PTPN11: variants seen among roughly 807,000 people sequenced by gnomAD.
PTPN11 encodes protein tyrosine phosphatase non-receptor type 11, also known as tyrosine-protein phosphatase non-receptor type 11.
In PTPN11, 6 loss-of-function variants were observed where a neutral mutation model predicts 78.8. The observed-to-expected ratio is 0.08, with a 90% CI of 0.04 to 0.15. The LOEUF (loss-of-function observed/expected upper bound fraction) is 0.15, where lower values mean the gene tolerates loss of function less well. Ranked by LOEUF, PTPN11 falls within the 10% of genes least tolerant of loss-of-function variation. PTPN11 has a pLI of 1.00. For missense variants in PTPN11, 386 were observed against 744.8 expected, an observed-to-expected ratio of 0.52 and a Z score of 5.61; for synonymous variants, 221 against 263.5, an observed-to-expected ratio of 0.84 and a Z score of 1.56.
intron 1 of PTPN11, among the ~76,000 whole-genome samples, chr12:112,441,150 G>A (rs1431616387): frequency 6.6e-6 from 1 of 151,534 alleles, no homozygotes; most frequent in Non-Finnish European, 1.5e-5. Context: ...TTTTAGTAGG[G>A]ACAGGGTTTC....
chr12:112,476,403 T>C (rs979694277), intron 7 of PTPN11, among the ~76,000 whole-genome samples: 1 of 152,186 alleles, frequency 6.6e-6, no homozygotes, highest in Non-Finnish European at 1.5e-5. Flanking sequence ...ATACGAATAA[T>C]AGACTTTTGT....
rs1394931005 is a variant in PTPN11, at chr12:112,478,027, A to C, written c.1092+12A>C. 2 of 1,613,808 alleles carry C rather than the reference A, an allele frequency of 1.2e-6. No individual in the cohort carries two copies. Among genetic ancestry groups the C allele is most frequent in the African/African-American group, 2.7e-5 (2 of 74,922 alleles). Reference sequence around the variant, plus strand: ...TGGAGAGAGGAAAGGTAAATCACAGAAACTTCTTTTCTGCTAAACTGTTTT... The same window carrying C: ...TGGAGAGAGGAAAGGTAAATCACAGCAACTTCTTTTCTGCTAAACTGTTTT... On this transcript the variant is annotated intron_variant, in intron 9 of 15. Coordinates refer to ENST00000351677, the MANE Select transcript of PTPN11 (RefSeq NM_002834.5).
At chr12:112,440,183 C>G (rs1352466963) in intron 1 of PTPN11, among the ~76,000 whole-genome samples, 2 of 152,110 alleles carry the variant, frequency 1.3e-5, no homozygotes, top group African/African-American at 4.8e-5. Flanking sequence ...AATAGTTTAA[C>G]CATTCTGAAT....
chr12:112,481,023 C>T (rs560558044), intron 9 of PTPN11, among the ~76,000 whole-genome samples: 40 of 152,312 alleles, frequency 2.6e-4, no homozygotes, highest in African/African-American at 7.2e-4. Flanking sequence ...GCTCTTGAAG[C>T]CAGCAGCTAT....
At chr12:112,454,818 CTTTTTTTT>C in intron 5 of PTPN11, 138 bp downstream of exon 5, 3 of 474,834 alleles carry the variant, frequency 6.3e-6, no homozygotes, top group Admixed American at 2.8e-5. Flanking sequence ...ACTATCAAAT[CTTTTTTTT>C]TTTTTTTTTT....
intron 13 of PTPN11, among the ~76,000 whole-genome samples, chr12:112,498,245 A>G (rs886564327): frequency 2.0e-5 from 3 of 152,236 alleles, no homozygotes. Flanking sequence ...CTGCAGGGTC[A>G]GTGAGGAGCT....
intron 14 of PTPN11, among the ~76,000 whole-genome samples, chr12:112,502,457 C>T (rs1197361937): frequency 1.3e-5 from 2 of 152,036 alleles, no homozygotes; most frequent in Non-Finnish European, 1.5e-5. Flanking sequence ...TTTAATTTTC[C>T]TAAGCTGGCC....
rs118172404 is a variant in PTPN11 at position 112,427,888 on chromosome 12, C to T, written c.14+8763C>T. 0.016 allele frequency among the ~76,000 whole-genome samples: 2,510 copies of T among 152,124 alleles called. 157 individuals carry two copies. In the South Asian group the frequency reaches 0.21, roughly 13 times the overall value. ...GCCTCAGCCTCCCAAGTAACTGGGA[C>T]CACAGGTGCGTACAACTATGCCCAG... On this transcript the variant is annotated intron_variant, in intron 1 of 15. Transcript: ENST00000351677.
At chr12:112,475,075 C>G (rs2038478301) in intron 7 of PTPN11, among the ~76,000 whole-genome samples, 1 of 152,216 alleles carries the variant, frequency 6.6e-6, no homozygotes, top group Non-Finnish European at 1.5e-5. Context: ...AGGTCTAACT[C>G]TATGCTGAAC....
intron 1 of PTPN11, among the ~76,000 whole-genome samples, chr12:112,440,965 C>CTT (rs376303682): frequency 3.0e-5 from 4 of 131,536 alleles, no homozygotes; most frequent in Admixed American, 7.7e-5. Context: ...CTTTTCTTTT[C>CTT]TTTTTTTTTT....
At chr12:112,489,268 G>C in intron 13 of PTPN11, 93 bp downstream of exon 13, 4 of 1,462,098 alleles carry the variant, frequency 2.7e-6, no homozygotes, top group Admixed American at 1.7e-5. Context: ...GGCTCTGATA[G>C]ACAACTGTTT....
chr12:112,466,874 G>A (rs752804460), intron 6 of PTPN11, among the ~76,000 whole-genome samples: 4 of 152,056 alleles, frequency 2.6e-5, no homozygotes, highest in African/African-American at 4.8e-5. Context: ...GGGATGCCTG[G>A]CTCAGCCAGT....
In PTPN11 at chr12:112,482,238, G is replaced by T; in HGVS notation, c.1224+33G>T. 6.2e-7 allele frequency: 1 copy of T among 1,605,672 alleles called. No individual in the cohort carries two copies. The highest frequency in any genetic ancestry group is 1.1e-5 in the South Asian group (1 of 90,656). On this transcript the variant is annotated intron_variant, in intron 10 of 15. Coordinates refer to ENST00000351677, the MANE Select transcript of PTPN11 (RefSeq NM_002834.5). This position sits in a 1 kb window ranked among gnomAD's most constrained non-coding sequence, Gnocchi z 4.4. ...TATTGTCGTATTCTAGAGACTTTGGGAACTGTTGATGGTGTGTAGGAATTC... is the reference window on the plus strand; with the variant it reads ...TATTGTCGTATTCTAGAGACTTTGGTAACTGTTGATGGTGTGTAGGAATTC...
At chr12:112,462,884 T>G (rs1228450541) in intron 6 of PTPN11, among the ~76,000 whole-genome samples, 1 of 152,206 alleles carries the variant, frequency 6.6e-6, no homozygotes, top group Non-Finnish European at 1.5e-5. Context: ...AATAGCCTTG[T>G]GTATGCATCC....
intron 6 of PTPN11, among the ~76,000 whole-genome samples, chr12:112,470,328 T>C (rs2038395232): frequency 6.6e-6 from 1 of 152,218 alleles, no homozygotes; most frequent in Non-Finnish European, 1.5e-5. Flanking sequence ...GTATACTTGC[T>C]TTGTTGTATG....
Position 112,504,775 on chromosome 12 carries a change from CA to C in PTPN11, c.*15del. The C allele has an allele frequency of 6.4e-7, 1 of 1,554,664 alleles. No homozygotes were observed. Among genetic ancestry groups the C allele is most frequent in the East Asian group, 2.2e-5 (1 of 44,542 alleles). ...AAAAGTTTCAGATGAGAAAACCTGC[CA>C]AAACTTCAGCACAGAAATAGGTATT... is the stretch of plus-strand genomic sequence containing the variant. On this transcript the variant is annotated 3_prime_UTR_variant, in exon 15 of 16. Coordinates refer to ENST00000351677, the MANE Select transcript of PTPN11 (RefSeq NM_002834.5). This position sits in a 1 kb window ranked among gnomAD's most constrained non-coding sequence, Gnocchi z 4.7.
intron 1 of PTPN11, among the ~76,000 whole-genome samples, chr12:112,445,057 A>G (rs530852927): frequency 6.6e-6 from 1 of 151,928 alleles, no homozygotes; most frequent in African/African-American, 2.4e-5. Flanking sequence ...GTGTGTGTGT[A>G]TATATATATG....
chr12:112,465,566 T>C (rs976104658), intron 6 of PTPN11, among the ~76,000 whole-genome samples: 2 of 152,262 alleles, frequency 1.3e-5, no homozygotes. Context: ...AGGTTGTGGA[T>C]GGACTGTCTC....
At chr12:112,505,607 A>G (rs2038922737) in intron 15 of PTPN11, among the ~76,000 whole-genome samples, 1 of 149,402 alleles carries the variant, frequency 6.7e-6, no homozygotes, top group Non-Finnish European at 1.5e-5. Flanking sequence ...CAGTGTGCCA[A>G]GATCGCGCCA....
Sources: allele counts gnomAD v4.1 joint callset (sites outside exome capture counted in the v4.1 genomes callset), GRCh38; gene constraint gnomAD v4.1.1; non-coding constraint Gnocchi (gnomAD v3.1); transcripts MANE v1.5; gene names NCBI Gene and HGNC (gene_info 2026-07-23, HGNC 2026-07-21).